Variants in APEH observed in about 807,000 individuals in gnomAD.
APEH encodes acylaminoacyl-peptide hydrolase, also known as acylamino-acid-releasing enzyme.
Under a neutral mutation model 102.7 loss-of-function variants are expected in APEH, and 75 were observed. The observed-to-expected ratio is 0.73, with a 90% CI of 0.61 to 0.89. APEH has a LOEUF of 0.89. Ranked by LOEUF, APEH falls within the 40% of genes least tolerant of loss-of-function variation. The pLI, the probability that APEH is intolerant of heterozygous loss-of-function variation, is 0.00. For missense variants in APEH, 863 were observed against 941.2 expected (o/e 0.92, Z 1.09); for synonymous variants, 344 against 362.7 (o/e 0.95, Z 0.59).
Position 49,675,963 on chromosome 3 carries a change from G to A in APEH, c.439G>A (p.Asp147Asn), listed in dbSNP as rs1400089329. The change falls in exon 5 of 22, where the codon GAT becomes AAT. Residue 147 changes from aspartate to asparagine, a missense_variant. Coordinates refer to ENST00000296456, the MANE Select transcript of APEH (RefSeq NM_001640.4). ...GGAGAAACATGGGCCTGTTTATGAGGATGGTGAGGCATCTGGCTGGTGAGC... is the reference window on the plus strand; with the variant it reads ...GGAGAAACATGGGCCTGTTTATGAGAATGGTGAGGCATCTGGCTGGTGAGC... ...ALEKHGPVYE[D>N]DCFGCLSWSH... The A allele has an allele frequency of 6.2e-7, 1 of 1,614,228 alleles. No individual in the cohort carries two copies. The highest frequency in any genetic ancestry group is 1.7e-5 in the Admixed American group (1 of 60,028).
In APEH at chr3:49,683,260, C is replaced by G; in HGVS notation, c.2117C>G (p.Thr706Ser). The G allele has an allele frequency of 6.2e-7, 1 of 1,613,988 alleles. No individual in the cohort carries two copies. The highest frequency in any genetic ancestry group is 8.5e-7 in the Non-Finnish European group (1 of 1,179,930). The change falls in exon 22 of 22, where the codon ACC becomes AGC. Residue 706 changes from threonine to serine, a missense_variant. By Grantham distance (58) the Thr-to-Ser change is moderately conservative. Transcript: ENST00000296456. ...PVRLLLYPKS[T>S]HALSEVEVES... ...AGGCTCCTGCTCTATCCCAAAAGCA[C>G]CCACGCATTATCAGAGGTGGAGGTG...
intron 3 of APEH, 38 bp downstream of exon 3, chr3:49,675,347 G>A: frequency 1.2e-6 from 2 of 1,609,956 alleles, no homozygotes; most frequent in Non-Finnish European, 1.7e-6. Context: ...CAAGGCCACA[G>A]CCGTCCGCAA....
At chr3:49,677,729 C>T in intron 11 of APEH, 96 bp downstream of exon 11, 1 of 1,233,566 alleles carries the variant, frequency 8.1e-7, no homozygotes, top group Non-Finnish European at 1.2e-6. Flanking sequence ...TCCTAGGTTC[C>T]TTCTGAGGGC....
intron 13 of APEH, 179 bp from the exon 14 acceptor site, chr3:49,680,362 C>A (rs41290716): frequency 0.046 from 27,141 of 589,482 alleles, 837 homozygotes; most frequent in Non-Finnish European, 0.061. Context: ...AGATGAACAA[C>A]AGACTGAGAG....
chr3:49,680,525 C>T lies in APEH; in HGVS notation c.1211-16C>T, dbSNP rs1336828083. On this transcript the variant is annotated splice_polypyrimidine_tract_variant and intron_variant, in intron 13 of 21. Transcript: ENST00000296456. Reference sequence around the variant, plus strand: ...ATGGCTCCTGCTAAGCACTTAATGGCATCTGCCTTTTCCAGGAGGGTCAGG... The same window carrying T: ...ATGGCTCCTGCTAAGCACTTAATGGTATCTGCCTTTTCCAGGAGGGTCAGG... 8.7e-6 allele frequency: 14 copies of T among 1,610,460 alleles called. No homozygotes were observed. Among genetic ancestry groups the T allele is most frequent in the East Asian group, 2.2e-5 (1 of 44,880 alleles).
rs1431149230 is a variant in APEH, at chr3:49,675,684, A to G, written c.273-10A>G. The G allele has an allele frequency of 1.2e-6, 2 of 1,611,388 alleles. No homozygotes were observed. The highest frequency in any genetic ancestry group is 2.2e-5 in the East Asian group (1 of 44,884). ...AGATAATCCTGACCTGTGCTACCCC[A>G]TGTCCACAGACTGCTGAGCAGAGAG... On this transcript the variant is annotated splice_polypyrimidine_tract_variant and intron_variant, in intron 3 of 21. Transcript: ENST00000296456.
intron 10 of APEH, 73 bp downstream of exon 10, chr3:49,677,097 A>G (rs1027298622): frequency 1.9e-6 from 3 of 1,597,672 alleles, no homozygotes; most frequent in Non-Finnish European, 2.6e-6. Flanking sequence ...CTGAAGGGCC[A>G]GTATCATCTC....
chr3:49,680,520 A>G (rs747550895), intron 13 of APEH, 21 bp from the exon 14 acceptor site: 1 of 1,609,076 alleles, frequency 6.2e-7, no homozygotes, highest in Non-Finnish European at 8.5e-7. Context: ...CTAAGCACTT[A>G]ATGGCATCTG....
At position 49,682,594 on chromosome 3, in the gene APEH, G is replaced by A; in HGVS notation, c.1741G>A (p.Val581Met). 6.2e-7 allele frequency: 1 copy of A among 1,614,170 alleles called. No homozygotes were observed. The highest frequency in any genetic ancestry group is 8.5e-7 in the Non-Finnish European group (1 of 1,180,038). Reference sequence around the variant, plus strand: ...GGAGGAACACTTTGATGCAAGCCATGTGGCCCTTATGGGTGGTTCCCATGG... The same window carrying A: ...GGAGGAACACTTTGATGCAAGCCATATGGCCCTTATGGGTGGTTCCCATGG... ...LQEEHFDASH[V>M]ALMGGSHGGF... The change falls in exon 19 of 22, where the codon GTG becomes ATG. Residue 581 changes from valine (V) to methionine (M), a missense_variant. Coordinates refer to ENST00000296456, the MANE Select transcript of APEH (RefSeq NM_001640.4).
In APEH at chr3:49,675,246, TC is replaced by T. The variant is rs780284022; in HGVS notation, c.211del (p.His71MetfsTer23). ...CGATTCTGCCGCCAATACCTGGTGT[TC>T]CATGACGGGGACTCAGTGGTGTTTG... ...NIRFCRQYLV[F>X]HDGDSVVFAG... On this transcript the variant is annotated frameshift_variant, in exon 3 of 22. Coordinates refer to ENST00000296456, the MANE Select transcript of APEH (RefSeq NM_001640.4). LOFTEE classifies it high-confidence loss of function. 5.0e-6 allele frequency: 8 copies of T among 1,614,066 alleles called. No individual in the cohort carries two copies. Among genetic ancestry groups the T allele is most frequent in the Non-Finnish European group, 6.8e-6 (8 of 1,179,994 alleles).
In APEH at chr3:49,676,136, T is replaced by G. The variant is rs2053037369; in HGVS notation, c.523T>G (p.Ser175Ala). The change falls in exon 6 of 22, where the codon TCC becomes GCC. Residue 175 changes from serine (S) to alanine (A), a missense_variant. Coordinates refer to ENST00000296456, the MANE Select transcript of APEH (RefSeq NM_001640.4). ...AGAGAAGAAGCGCCCCAAGGCCGAG[T>G]CCTTCTTTCAGACCAAAGCCTTGGA... ...VAEKKRPKAE[S>A]FFQTKALDVS... The G allele has an allele frequency of 6.2e-7, 1 of 1,614,136 alleles. No homozygotes were observed. The highest frequency in any genetic ancestry group is 8.5e-7 in the Non-Finnish European group (1 of 1,180,026).
At position 49,683,545 on chromosome 3, in the gene APEH, C is replaced by T; in HGVS notation, c.*203C>T. On this transcript the variant is annotated 3_prime_UTR_variant, in exon 22 of 22. Transcript: ENST00000296456. ...TACTTTGTACCAAACCATCCCCAAC[C>T]CCACCTCCCACTCTGGGGTGCAGAG... 1 of 566,640 alleles carries T rather than the reference C, an allele frequency of 1.8e-6. No homozygotes were observed. Among genetic ancestry groups the T allele is most frequent in the Non-Finnish European group, 3.2e-6 (1 of 317,242 alleles). The allele number at this position is 566,640 out of a possible 1,614,324, so 35.1% of individuals were successfully genotyped here.
intron 3 of APEH, 148 bp from the exon 4 acceptor site, chr3:49,675,546 G>C: frequency 1.0e-6 from 1 of 972,006 alleles, no homozygotes; most frequent in East Asian, 2.6e-5. Flanking sequence ...CTCTGCCTCA[G>C]GGAGGAAAGG....
intron 14 of APEH, 31 bp from the exon 15 acceptor site, chr3:49,681,070 C>A: frequency 6.5e-7 from 1 of 1,533,430 alleles, no homozygotes; most frequent in Non-Finnish European, 8.8e-7. Flanking sequence ...GGCAGCCAGG[C>A]CACCTATGAC....
At chr3:49,673,338 G>A (rs1260502867), upstream of APEH, among the ~76,000 whole-genome samples, 1 of 151,932 alleles carries the variant, frequency 6.6e-6, no homozygotes, top group Non-Finnish European at 1.5e-5. Context: ...TGTACCACGT[G>A]CACAGGGAAC....
chr3:49,683,272 C>T lies in APEH; in HGVS notation c.2129C>T (p.Ser710Leu). Residue 710 changes from serine to leucine, a missense_variant, in exon 22 of 22, where the codon TCA becomes TTA. Physicochemically the swap from Ser to Leu is moderately radical, Grantham distance 145. Coordinates refer to ENST00000296456, the MANE Select transcript of APEH (RefSeq NM_001640.4). ...LLYPKSTHAL[S>L]EVEVESDSFM... ...TATCCCAAAAGCACCCACGCATTAT[C>T]AGAGGTGGAGGTGGAGTCAGACAGC... The T allele has an allele frequency of 1.2e-6, 2 of 1,614,044 alleles. No individual in the cohort carries two copies. Among genetic ancestry groups the T allele is most frequent in the Non-Finnish European group, 1.7e-6 (2 of 1,179,994 alleles).
chr3:49,682,535 C>T lies in APEH; in HGVS notation c.1693-11C>T, dbSNP rs1234328257. On this transcript the variant is annotated splice_polypyrimidine_tract_variant and intron_variant, in intron 18 of 21. Coordinates refer to ENST00000296456, the MANE Select transcript of APEH (RefSeq NM_001640.4). ...GCAGCTGGCTGCAGCATGCTTTGTC[C>T]CACCCTGCAGTTTGCAGTGGAACAG... The T allele has an allele frequency of 6.2e-7, 1 of 1,613,926 alleles. No homozygotes were observed. Among genetic ancestry groups the T allele is most frequent in the East Asian group, 2.2e-5 (1 of 44,886 alleles).
At chr3:49,674,444 C>A in intron 1 of APEH, 31 bp downstream of exon 1, 1 of 1,572,600 alleles carries the variant, frequency 6.4e-7, no homozygotes. Flanking sequence ...CCCCGTGGTC[C>A]CTGCAGCCCG....
rs535375957 is a variant in APEH at position 49,679,093 on chromosome 3, T to G, written c.1158+144T>G. On this transcript the variant is annotated intron_variant, in intron 12 of 21. Transcript: ENST00000296456. This position sits in a 1 kb window ranked among gnomAD's most constrained non-coding sequence, Gnocchi z 4.3. ...AAAACCCTGCCTGCCCATCCTGGAC[T>G]CATTTCTCCTGGAGGGGACTGGCTG... 2.3e-4 allele frequency: 150 copies of G among 666,620 alleles called. No individual in the cohort carries two copies. In the African/African-American group the frequency reaches 2.4e-3, roughly 11 times the overall value. The allele number at this position is 666,620 out of a possible 1,614,324, so 41.3% of individuals were successfully genotyped here.
Sources: allele counts gnomAD v4.1 joint callset (sites outside exome capture counted in the v4.1 genomes callset), GRCh38; gene constraint gnomAD v4.1.1; non-coding constraint Gnocchi (gnomAD v3.1); transcripts MANE v1.5; gene names NCBI Gene and HGNC (gene_info 2026-07-23, HGNC 2026-07-21).